Variants in CHMP4B observed in about 807,000 individuals in gnomAD.
CHMP4B encodes the protein charged multivesicular body protein 4B, also known as SNF7 homolog associated with Alix 1.
Under a neutral mutation model 25.1 loss-of-function variants are expected in CHMP4B, and 1 was observed. That is an observed-to-expected ratio of 0.04 (90% CI 0.01 to 0.19). CHMP4B has a LOEUF of 0.19. Among genes scored for constraint, CHMP4B ranks in the 10% least tolerant of loss-of-function variants. The pLI is 1.00. For synonymous variants in CHMP4B, 101 were observed against 115.6 expected, an observed-to-expected ratio of 0.87 and a Z score of 0.81; for missense variants, 151 against 289.7, an observed-to-expected ratio of 0.52 and a Z score of 3.48.
chr20:33,816,535 A>C (rs947721128), intron 1 of CHMP4B, among the ~76,000 whole-genome samples: 1 of 152,206 alleles, frequency 6.6e-6, no homozygotes, highest in Non-Finnish European at 1.5e-5. Context: ...GTACCTTTCT[A>C]AACAATGCCC....
chr20:33,835,960 G>A (rs998568843), intron 1 of CHMP4B, among the ~76,000 whole-genome samples: 1 of 152,240 alleles, frequency 6.6e-6, no homozygotes, highest in African/African-American at 2.4e-5. Context: ...TGAGGGATCC[G>A]CCCCCATGAT....
intron 1 of CHMP4B, among the ~76,000 whole-genome samples, chr20:33,840,254 A>G (rs966233809): frequency 1.5e-4 from 23 of 151,960 alleles, no homozygotes; most frequent in South Asian, 4.2e-4. Context: ...TCAAAAAAAA[A>G]AAAGGGGGGG....
chr20:33,821,744 G>A (rs1035732945), intron 1 of CHMP4B, among the ~76,000 whole-genome samples: 2 of 152,168 alleles, frequency 1.3e-5, no homozygotes, highest in Middle Eastern at 3.2e-3. Flanking sequence ...GCATCAAAGC[G>A]AGACCCTATC....
At chr20:33,847,622 C>T (rs779278792) in intron 1 of CHMP4B, among the ~76,000 whole-genome samples, 7 of 152,158 alleles carry the variant, frequency 4.6e-5, no homozygotes, top group African/African-American at 9.7e-5. Context: ...ACAGCCTCAG[C>T]GTGCTAGGAG....
In CHMP4B at chr20:33,848,641, A is replaced by G. The variant is rs1260659242; in HGVS notation, c.365A>G (p.Asn122Ser). ...AAKAMKAAHD[N>S]MDIDKVDELM... ...AAGGCCATGAAGGCGGCCCATGACA[A>G]CATGTACGTGTCCACCCGCCCCTGC... is the stretch of plus-strand genomic sequence containing the variant. Residue 122 changes from asparagine (N) to serine (S), a missense_variant, in exon 2 of 5, where the codon AAC (asparagine) becomes AGC (serine). Around this residue, in one of 3 missense-constraint regions of CHMP4B, gnomAD observed 82 missense variants for 208.3 expected, o/e 0.39. Coordinates refer to ENST00000217402, the MANE Select transcript of CHMP4B (RefSeq NM_176812.5). 2.5e-6 allele frequency: 4 copies of G among 1,614,230 alleles called. No individual in the cohort carries two copies. The highest frequency in any genetic ancestry group is 3.4e-6 in the Non-Finnish European group (4 of 1,180,036).
intron 1 of CHMP4B, among the ~76,000 whole-genome samples, chr20:33,828,732 A>G (rs1366783657): frequency 6.6e-6 from 1 of 152,106 alleles, no homozygotes; most frequent in Non-Finnish European, 1.5e-5. Context: ...CAGTTGGTAT[A>G]TAAATAGTAA....
At chr20:33,835,485 C>T (rs915547579) in intron 1 of CHMP4B, among the ~76,000 whole-genome samples, 11 of 152,224 alleles carry the variant, frequency 7.2e-5, no homozygotes, top group Admixed American at 5.9e-4. Context: ...AGTTATCCCA[C>T]ACCTCACTGC....
rs575565806 is a variant in CHMP4B at position 33,851,403 on chromosome 20, C to T, written c.483+337C>T. On this transcript the variant is annotated intron_variant, in intron 3 of 4. Transcript: ENST00000217402. Reference sequence around the variant, plus strand: ...GCCCTGGAGAAGTTCACAGGATTTTCCCTGAGACAGCTTCAGCATGAGGGA... The same window carrying T: ...GCCCTGGAGAAGTTCACAGGATTTTTCCTGAGACAGCTTCAGCATGAGGGA... 3.9e-5 allele frequency among the ~76,000 whole-genome samples: 6 copies of T among 152,280 alleles called. No homozygotes were observed. The South Asian group carries it at 1.2e-3, about 32-fold the overall frequency.
At chr20:33,814,337 A>C (rs1978723580) in intron 1 of CHMP4B, among the ~76,000 whole-genome samples, 1 of 152,174 alleles carries the variant, frequency 6.6e-6, no homozygotes, top group African/African-American at 2.4e-5. Context: ...TCAGGAACTC[A>C]GAATTGGAAG....
chr20:33,831,156 G>A (rs886670280), intron 1 of CHMP4B, among the ~76,000 whole-genome samples: 11 of 149,608 alleles, frequency 7.4e-5, no homozygotes, highest in Admixed American at 3.3e-4. Context: ...GTGCAGTGGC[G>A]TGATCTTGGC....
At chr20:33,831,505 C>A (rs1407444022) in intron 1 of CHMP4B, among the ~76,000 whole-genome samples, 1 of 152,228 alleles carries the variant, frequency 6.6e-6, no homozygotes, top group Non-Finnish European at 1.5e-5. Flanking sequence ...GCTGGGATTA[C>A]AGGTGTTAGC....
At chr20:33,837,264 TC>T (rs1979417249) in intron 1 of CHMP4B, among the ~76,000 whole-genome samples, 1 of 151,852 alleles carries the variant, frequency 6.6e-6, no homozygotes, top group Non-Finnish European at 1.5e-5. Flanking sequence ...GATGGGAGGA[TC>T]ATTTGAGCCT....
intron 1 of CHMP4B, 148 bp from the exon 2 acceptor site, chr20:33,848,319 G>T (rs1979745112): frequency 7.5e-6 from 6 of 797,188 alleles, no homozygotes; most frequent in South Asian, 1.5e-5. Context: ...AAAATTGAAT[G>T]TGCTCTTTGT....
At chr20:33,816,390 ACTTTT>A (rs1978783971) in intron 1 of CHMP4B, among the ~76,000 whole-genome samples, 1 of 151,948 alleles carries the variant, frequency 6.6e-6, no homozygotes, top group African/African-American at 2.4e-5. Context: ...GAGTAAGTGT[ACTTTT>A]CTTTTCTGAT....
intron 3 of CHMP4B, among the ~76,000 whole-genome samples, chr20:33,851,390 T>G (rs1267933011): frequency 6.6e-6 from 1 of 152,108 alleles, no homozygotes; most frequent in Non-Finnish European, 1.5e-5. Context: ...CCTGGAGAAG[T>G]TCACAGGATT....
intron 1 of CHMP4B, among the ~76,000 whole-genome samples, chr20:33,824,856 C>T (rs1979050104): frequency 6.6e-6 from 1 of 151,954 alleles, no homozygotes; most frequent in Non-Finnish European, 1.5e-5. Flanking sequence ...GGGAGGGTGG[C>T]AGAAGCTCCT....
rs953764158 is a variant in CHMP4B at position 33,832,883 on chromosome 20, A to G, written c.191-15584A>G. ...AACCTCAAACTCCTGGTCTCAAGCAATCCTCTCGCCTCAGCCTCCCAAATA... is the reference window on the plus strand; with the variant it reads ...AACCTCAAACTCCTGGTCTCAAGCAGTCCTCTCGCCTCAGCCTCCCAAATA... On this transcript the variant is annotated intron_variant, in intron 1 of 4. Transcript: ENST00000217402. 4.6e-5 allele frequency among the ~76,000 whole-genome samples: 7 copies of G among 151,562 alleles called. No individual in the cohort carries two copies. In the East Asian group the frequency reaches 1.2e-3, roughly 25 times the overall value.
intron 1 of CHMP4B, among the ~76,000 whole-genome samples, chr20:33,813,144 A>T (rs1341389210): frequency 2.3e-5 from 3 of 132,576 alleles, no homozygotes; most frequent in South Asian, 4.5e-4. Context: ...CCAGCTCTGT[A>T]AAAAAAAAAA....
At chr20:33,841,555 T>C (rs1288385488) in intron 1 of CHMP4B, among the ~76,000 whole-genome samples, 1 of 152,196 alleles carries the variant, frequency 6.6e-6, no homozygotes, top group Non-Finnish European at 1.5e-5. Context: ...TTGGTGCATT[T>C]TGGTTTCTGA....
Sources: allele counts gnomAD v4.1 joint callset (sites outside exome capture counted in the v4.1 genomes callset), GRCh38; gene constraint gnomAD v4.1.1; regional missense constraint gnomAD v4.1.1; transcripts MANE v1.5; gene names NCBI Gene and HGNC (gene_info 2026-07-23, HGNC 2026-07-21).